Variants in PRKCH observed in about 807,000 individuals in gnomAD.
The protein encoded by PRKCH is protein kinase C eta.
PRKCH carries 28 observed loss-of-function variants against 82.5 expected under a neutral mutation model. The observed-to-expected ratio is 0.34, with a 90% confidence interval of 0.25 to 0.47. PRKCH has a LOEUF of 0.47. Among genes scored for constraint, PRKCH ranks in the 20% least tolerant of loss-of-function variants. The pLI, the probability that PRKCH is intolerant of heterozygous loss-of-function variation, is 1.00. For missense variants in PRKCH, 705 were observed against 881.8 expected (o/e 0.80, Z 2.54); for synonymous variants, 322 against 327.4 (o/e 0.98, Z 0.18).
chr14:61,289,665 C>G (rs920911804), intron 1 of PRKCH, among the ~76,000 whole-genome samples: 9 of 152,200 alleles, frequency 5.9e-5, no homozygotes, highest in African/African-American at 2.2e-4. Flanking sequence ...TATGATTGTG[C>G]CACTGCACTC....
chr14:61,273,166 CAT>C (rs2045173174), intron 1 of PRKCH, among the ~76,000 whole-genome samples: 1 of 152,140 alleles, frequency 6.6e-6, no homozygotes, highest in Non-Finnish European at 1.5e-5. Flanking sequence ...TCAGACTAAA[CAT>C]AATTCATTCA....
chr14:61,425,374 C>T (rs929959092), intron 2 of PRKCH, among the ~76,000 whole-genome samples: 2 of 152,222 alleles, frequency 1.3e-5, no homozygotes, highest in Non-Finnish European at 2.9e-5. Context: ...GGGAGCCCAC[C>T]CCTTGTATCC....
intron 1 of PRKCH, among the ~76,000 whole-genome samples, chr14:61,255,212 G>T (rs1029683686): frequency 3.3e-5 from 5 of 152,180 alleles, no homozygotes; most frequent in African/African-American, 1.2e-4. Flanking sequence ...CATTAGGCAG[G>T]TTGTGGGACT....
chr14:61,522,658 T>C (rs764690375), intron 10 of PRKCH, among the ~76,000 whole-genome samples: 1 of 152,376 alleles, frequency 6.6e-6, no homozygotes, highest in East Asian at 1.9e-4. Context: ...CCTTGATCTA[T>C]TCCCATGTTT....
chr14:61,445,625 C>T (rs1884183433), intron 3 of PRKCH, 67 bp from the exon 4 acceptor site: 2 of 1,409,874 alleles, frequency 1.4e-6, no homozygotes, highest in Non-Finnish European at 2.0e-6. Context: ...AATTTGTTTT[C>T]CTTAAGGACT....
chr14:61,362,598 C>T (rs951626755), intron 1 of PRKCH, among the ~76,000 whole-genome samples: 6 of 152,158 alleles, frequency 3.9e-5, no homozygotes, highest in Non-Finnish European at 1.5e-5. Flanking sequence ...TTTCATGTGA[C>T]TGACACAGAA....
At chr14:61,225,580 T>C (rs1223320616) in intron 1 of PRKCH, among the ~76,000 whole-genome samples, 1 of 152,208 alleles carries the variant, frequency 6.6e-6, no homozygotes, top group Non-Finnish European at 1.5e-5. Flanking sequence ...AAGTTCTCCA[T>C]GGTTCTGGGA....
chr14:61,208,236 T>C (rs983955901), intron 1 of PRKCH, among the ~76,000 whole-genome samples: 1 of 152,222 alleles, frequency 6.6e-6, no homozygotes, highest in African/African-American at 2.4e-5. Flanking sequence ...TTTAAAACCA[T>C]TTTTAAGTGT....
chr14:61,302,928 T>C (rs2045458553), intron 1 of PRKCH: 1 of 152,170 alleles, frequency 6.6e-6, no homozygotes, highest in Non-Finnish European at 1.5e-5. Flanking sequence ...TATATTCACA[T>C]ATCTATGTCT....
intron 1 of PRKCH, among the ~76,000 whole-genome samples, chr14:61,213,320 T>C (rs1480207678): frequency 6.6e-6 from 1 of 152,174 alleles, no homozygotes; most frequent in African/African-American, 2.4e-5. Context: ...CCAATCACAT[T>C]GTGACATTTG....
intron 1 of PRKCH, among the ~76,000 whole-genome samples, chr14:61,361,987 T>TA (rs994984957): frequency 9.2e-5 from 14 of 152,280 alleles, no homozygotes; most frequent in Admixed American, 1.3e-4. Flanking sequence ...TTAAATCTGA[T>TA]AAAAAAGATC....
intron 1 of PRKCH, among the ~76,000 whole-genome samples, chr14:61,282,376 T>C (rs899483658): frequency 7.9e-5 from 12 of 152,128 alleles, no homozygotes. Flanking sequence ...TATTGTGTTC[T>C]TGCTTCTCCT....
In PRKCH at chr14:61,294,005, T is replaced by C. The variant is rs77952002; in HGVS notation, c.-19+106337T>C. 7.0e-3 allele frequency among the ~76,000 whole-genome samples: 1,062 copies of C among 152,354 alleles called. 41 individuals carry two copies. The East Asian group carries it at 0.095, about 14-fold the overall frequency. On this transcript the variant is annotated intron_variant, in intron 1 of 3. Coordinates refer to the PRKCH transcript ENST00000555185. Reference sequence around the variant, plus strand: ...CTACACTTATTTGTTTGTTGATGCCTGACAGTTCACGTCAGTCAAATTGCC... The same window carrying C: ...CTACACTTATTTGTTTGTTGATGCCCGACAGTTCACGTCAGTCAAATTGCC...
chr14:61,254,346 C>T (rs1276687726), intron 1 of PRKCH, among the ~76,000 whole-genome samples: 1 of 152,136 alleles, frequency 6.6e-6, no homozygotes, highest in African/African-American at 2.4e-5. Context: ...GGCACGGTGG[C>T]TCATGCTTGT....
intron 1 of PRKCH, among the ~76,000 whole-genome samples, chr14:61,288,147 A>T (rs547932258): frequency 6.6e-6 from 1 of 152,316 alleles, no homozygotes; most frequent in South Asian, 2.1e-4. Flanking sequence ...GTGCCCAACA[A>T]AGACATGCTT....
chr14:61,418,279 G>A (rs922702125), intron 2 of PRKCH, among the ~76,000 whole-genome samples: 19 of 152,196 alleles, frequency 1.2e-4, no homozygotes, highest in Admixed American at 1.1e-3. Context: ...GTCCCTCATG[G>A]GCCAGGCTCT....
intron 1 of PRKCH, among the ~76,000 whole-genome samples, chr14:61,203,010 C>T (rs541602303): frequency 2.6e-5 from 4 of 151,980 alleles, no homozygotes; most frequent in Non-Finnish European, 5.9e-5. Flanking sequence ...AGACTCCCTG[C>T]GCTCCACCTG....
At chr14:61,485,382 C>T in intron 9 of PRKCH, 120 bp from the exon 10 acceptor site, 1 of 1,302,930 alleles carries the variant, frequency 7.7e-7, no homozygotes, top group South Asian at 1.4e-5. Flanking sequence ...CAGGATGTTT[C>T]CTGGAATACA....
chr14:61,313,014 G>C (rs1352288658), intron 1 of PRKCH, among the ~76,000 whole-genome samples: 2 of 152,198 alleles, frequency 1.3e-5, no homozygotes, highest in East Asian at 1.9e-4. Flanking sequence ...GGCTAAAAGA[G>C]TGTGTAGAGG....
Sources: gnomAD v4.1 joint callset for allele counts (sites outside exome capture counted in the v4.1 genomes callset) on GRCh38, gnomAD v4.1.1 for gene constraint, MANE v1.5 for transcripts, NCBI Gene and HGNC (gene_info 2026-07-23, HGNC 2026-07-21) for gene names.